The following MAN2A1 variants were observed in gnomAD, a reference collection of about 807,000 sequenced individuals.
The protein encoded by MAN2A1 is mannosidase alpha class 2A member 1, also known as alpha-mannosidase 2.
MAN2A1 carries 76 observed loss-of-function variants against 142.6 expected under a neutral mutation model. The ratio of observed to expected loss-of-function variants is 0.53; its 90% CI spans 0.44 to 0.65. The LOEUF (loss-of-function observed/expected upper bound fraction) is 0.65. MAN2A1 is among the 30% of genes least tolerant of loss of function. The pLI, the probability that MAN2A1 is intolerant of heterozygous loss-of-function variation, is 0.00. For missense variants in MAN2A1, 1,311 were observed against 1,365.1 expected, an observed-to-expected ratio of 0.96 and a Z score of 0.62; for synonymous variants, 559 against 473.2, an observed-to-expected ratio of 1.18 and a Z score of -2.35.
chr5:109,807,238 C>T (rs886959049), intron 12 of MAN2A1, among the ~76,000 whole-genome samples: 1 of 152,118 alleles, frequency 6.6e-6, no homozygotes, highest in African/African-American at 2.4e-5. Flanking sequence ...CCACCTCCAT[C>T]CTGTTTTCCA....
chr5:109,690,398 C>T lies in MAN2A1; in HGVS notation c.-20C>T, dbSNP rs182162290. 6.2e-7 allele frequency: 1 copy of T among 1,613,912 alleles called. No homozygotes were observed. The highest frequency in any genetic ancestry group is 1.3e-5 in the African/African-American group (1 of 75,050). On this transcript the variant is annotated 5_prime_UTR_variant, in exon 1 of 22. Transcript: ENST00000261483. ...CCTTTGGCTGAGGAGAGTGTCCTGG[C>T]CCCGAGTCTATCGAGGAAAATGAAG...
intron 16 of MAN2A1, 41 bp downstream of exon 16, chr5:109,823,878 G>A (rs1442851916): frequency 1.0e-6 from 1 of 982,096 alleles, no homozygotes; most frequent in Admixed American, 2.8e-5. Flanking sequence ...TATGTATTAT[G>A]GTTTTTGAAT....
At chr5:109,742,997 C>T (rs147137360) in intron 4 of MAN2A1, among the ~76,000 whole-genome samples, 40 of 152,314 alleles carry the variant, frequency 2.6e-4, no homozygotes, top group African/African-American at 8.4e-4. Flanking sequence ...CCATGAGGGA[C>T]TTCTCAGGTG....
intron 12 of MAN2A1, among the ~76,000 whole-genome samples, chr5:109,795,392 A>G (rs1236597409): frequency 5.9e-5 from 9 of 152,162 alleles, no homozygotes; most frequent in Non-Finnish European, 1.2e-4. Context: ...CATCTATTAT[A>G]TTAAAAAAAT....
At chr5:109,788,444 A>G (rs184696815) in intron 10 of MAN2A1, among the ~76,000 whole-genome samples, 390 of 152,026 alleles carry the variant, frequency 2.6e-3, no homozygotes, top group Admixed American at 4.0e-3. Flanking sequence ...GTTCTCTTGA[A>G]CAAGAACATG....
chr5:109,759,254 C>T (rs1752772918), intron 5 of MAN2A1, among the ~76,000 whole-genome samples: 1 of 152,094 alleles, frequency 6.6e-6, no homozygotes, highest in Non-Finnish European at 1.5e-5. Context: ...TGTTTTATAG[C>T]TTTCAGTGTA....
At chr5:109,865,740 C>T (rs1755863497) in intron 21 of MAN2A1, among the ~76,000 whole-genome samples, 1 of 152,202 alleles carries the variant, frequency 6.6e-6, no homozygotes, top group Admixed American at 6.6e-5. Flanking sequence ...CAAACAGATC[C>T]TCAGTCTGAA....
chr5:109,868,150 CT>C lies in MAN2A1; in HGVS notation c.*1153del, dbSNP rs1419222225. On this transcript the variant is annotated 3_prime_UTR_variant, in exon 22 of 22. Transcript: ENST00000261483. ...TTTTGTAAAATGCAAAATCCAGCTACTGTTTCCATTTCACAGTAGTTAACTA... is the reference window on the plus strand; with the variant it reads ...TTTTGTAAAATGCAAAATCCAGCTACGTTTCCATTTCACAGTAGTTAACTA... 2.0e-5 allele frequency: 3 copies of C among 152,188 alleles called. No individual in the cohort carries two copies. The highest frequency in any genetic ancestry group is 4.8e-5 in the African/African-American group (2 of 41,446). 9.4% of individuals were successfully genotyped at this position (152,188 alleles called of 1,614,324 possible). A position where few individuals can be genotyped will look rare whatever the true frequency, so the allele number is the denominator to read the frequency against.
intron 10 of MAN2A1, 27 bp downstream of exon 10, chr5:109,784,953 T>G (rs1753558901): frequency 6.6e-7 from 1 of 1,520,842 alleles, no homozygotes; most frequent in South Asian, 1.3e-5. Flanking sequence ...AAAATCATCT[T>G]TAAAAAAATC....
intron 4 of MAN2A1, among the ~76,000 whole-genome samples, chr5:109,736,861 C>T (rs1383761357): frequency 6.6e-6 from 1 of 152,114 alleles, no homozygotes; most frequent in Non-Finnish European, 1.5e-5. Flanking sequence ...TTAATAAGTT[C>T]ATCTGTGTGT....
In MAN2A1 at chr5:109,711,743, C is replaced by G. The variant is rs568431108; in HGVS notation, c.136-1777C>G. Among the ~76,000 whole-genome samples, 6 of 152,312 alleles carry G rather than the reference C, an allele frequency of 3.9e-5. No homozygotes were observed. The East Asian group carries it at 9.6e-4, about 24-fold the overall frequency. ...TGTGTGCTCCCTCTCTTGCCTTTCA[C>G]TGGTGCAGTGGGGCTTGTCTTTCAG... On this transcript the variant is annotated intron_variant, in intron 1 of 21. Coordinates refer to ENST00000261483, the MANE Select transcript of MAN2A1 (RefSeq NM_002372.4).
chr5:109,789,081 T>A (rs1360536826), intron 11 of MAN2A1, 33 bp downstream of exon 11: 1 of 1,098,544 alleles, frequency 9.1e-7, no homozygotes, highest in Admixed American at 2.0e-5. Context: ...ATCATAAAAA[T>A]GTGTAATTCC....
chr5:109,849,713 T>TG lies in MAN2A1; in HGVS notation c.2976+1924dup, dbSNP rs143622213. On this transcript the variant is annotated intron_variant, in intron 19 of 21. Transcript: ENST00000261483. Reference sequence around the variant, plus strand: ...CAGAAGGCAGAATGGTTTTTTTTTTTGTTTTTTTTCAAAGCCACATCTAAC... The same window carrying TG: ...CAGAAGGCAGAATGGTTTTTTTTTTTGGTTTTTTTTCAAAGCCACATCTAAC... Among the ~76,000 whole-genome samples, 37 of 149,562 alleles carry TG rather than the reference T, an allele frequency of 2.5e-4. No individual in the cohort carries two copies. In the East Asian group the frequency reaches 3.5e-3, roughly 14 times the overall value.
At position 109,781,456 on chromosome 5, in the gene MAN2A1, A is replaced by G. The variant is rs147350123; in HGVS notation, c.1435A>G (p.Arg479Gly). Residue 479 changes from arginine to glycine, a missense_variant, in exon 9 of 22, where the codon AGA becomes GGA. By Grantham distance (125) the Arg-to-Gly change is moderately radical. Coordinates refer to ENST00000261483, the MANE Select transcript of MAN2A1 (RefSeq NM_002372.4). ...GCTGGATAAAGCAGATGAAACTCAG[A>G]GAGACAAGGGCCAATCGATGTTCCC... ...DALDKADETQ[R>G]DKGQSMFPVL... 2 of 1,612,930 alleles carry G rather than the reference A, an allele frequency of 1.2e-6. No homozygotes were observed. Among genetic ancestry groups the G allele is most frequent in the Admixed American group, 3.3e-5 (2 of 59,712 alleles).
At chr5:109,708,410 C>G (rs544928799) in intron 1 of MAN2A1, among the ~76,000 whole-genome samples, 11 of 151,542 alleles carry the variant, frequency 7.3e-5, no homozygotes, top group Admixed American at 7.2e-4. Flanking sequence ...TAGAGAGAAA[C>G]TTTTGATAAT....
chr5:109,838,176 T>C (rs917314653), intron 16 of MAN2A1, among the ~76,000 whole-genome samples: 1 of 152,202 alleles, frequency 6.6e-6, no homozygotes, highest in African/African-American at 2.4e-5. Flanking sequence ...TTACCACTTT[T>C]CACCTGTGAA....
At chr5:109,792,739 C>T (rs1351999236) in intron 12 of MAN2A1, among the ~76,000 whole-genome samples, 1 of 152,016 alleles carries the variant, frequency 6.6e-6, no homozygotes, top group African/African-American at 2.4e-5. Flanking sequence ...TGACTGGGCT[C>T]AGTGTGCAGG....
intron 4 of MAN2A1, among the ~76,000 whole-genome samples, chr5:109,738,266 TC>T (rs1404804533): frequency 6.7e-6 from 1 of 149,974 alleles, no homozygotes; most frequent in African/African-American, 2.5e-5. Flanking sequence ...TCTTGCCTGA[TC>T]TTTGTTGGCT....
At chr5:109,832,102 A>C (rs1402081509) in intron 16 of MAN2A1, among the ~76,000 whole-genome samples, 1 of 150,868 alleles carries the variant, frequency 6.6e-6, no homozygotes, top group Non-Finnish European at 1.5e-5. Context: ...ATTTATATAA[A>C]TATCAGTGCA....
Sources: gnomAD v4.1 joint callset for allele counts (sites outside exome capture counted in the v4.1 genomes callset) on GRCh38, gnomAD v4.1.1 for gene constraint, MANE v1.5 for transcripts, NCBI Gene and HGNC (gene_info 2026-07-23, HGNC 2026-07-21) for gene names.